The following ADCY7 variants were observed in gnomAD, a reference collection of about 807,000 sequenced individuals.
The protein encoded by ADCY7 is adenylate cyclase type 7.
ADCY7 carries 72 observed loss-of-function variants against 120.6 expected under a neutral mutation model. That is an observed-to-expected ratio of 0.60 (90% CI 0.49 to 0.73). ADCY7 has a LOEUF of 0.73. Ranked by LOEUF, ADCY7 falls within the 30% of genes least tolerant of loss-of-function variation. The probability of loss-of-function intolerance (pLI) is 0.00; values close to 1 mark genes in which losing one functional copy is unlikely to be tolerated. For missense variants in ADCY7, 1,227 were observed against 1,486.0 expected, an observed-to-expected ratio of 0.83 and a Z score of 2.87; for synonymous variants, 661 against 628.0, an observed-to-expected ratio of 1.05 and a Z score of -0.78.
intron 11 of ADCY7, 91 bp downstream of exon 11, chr16:50,304,642 C>A: frequency 7.6e-7 from 1 of 1,311,122 alleles, no homozygotes; most frequent in Non-Finnish European, 1.1e-6. Flanking sequence ...CCCTCTCAGC[C>A]TCACTGTCCC....
At position 50,305,557 on chromosome 16, in the gene ADCY7, G is replaced by C; in HGVS notation, c.1650G>C (p.Leu550=). 1.2e-6 allele frequency: 2 copies of C among 1,606,684 alleles called. No individual in the cohort carries two copies. Among genetic ancestry groups the C allele is most frequent in the Non-Finnish European group, 8.5e-7 (1 of 1,176,006 alleles). The change falls in exon 13 of 26, where the codon CTG becomes CTC. Residue 550 remains leucine (L), a synonymous_variant. Coordinates refer to ENST00000673801, the MANE Select transcript of ADCY7 (RefSeq NM_001114.5). ...SEDDSYDDEM[L]SAIEGLSSTR... is the part of the protein sequence containing the mutation. ...ATGACTCGTACGATGACGAGATGCT[G>C]TCAGCCATTGAGGGGCTCAGCTCCA...
intron 10 of ADCY7, 87 bp downstream of exon 10, chr16:50,301,301 C>A: frequency 6.8e-7 from 1 of 1,466,600 alleles, no homozygotes; most frequent in Non-Finnish European, 9.1e-7. Flanking sequence ...TGGAGGAAAC[C>A]CCCATGTGGA....
intron 5 of ADCY7, 111 bp from the exon 6 acceptor site, chr16:50,293,242 TG>T: frequency 3.2e-6 from 4 of 1,257,112 alleles, no homozygotes; most frequent in Non-Finnish European, 4.5e-6. Context: ...GCAGGGAGGA[TG>T]GGGGCCAAGG....
chr16:50,263,810 C>T (rs2033121134), upstream of ADCY7, among the ~76,000 whole-genome samples: 1 of 151,980 alleles, frequency 6.6e-6, no homozygotes, highest in Non-Finnish European at 1.5e-5. Context: ...CGATATCTCC[C>T]CCAGCGGCTC....
At chr16:50,281,957 G>T (rs1199358242) in intron 1 of ADCY7, among the ~76,000 whole-genome samples, 1 of 152,232 alleles carries the variant, frequency 6.6e-6, no homozygotes, top group African/African-American at 2.4e-5. Flanking sequence ...GGCAGGACCG[G>T]GGGCGCGAGA....
chr16:50,288,801 T>A (rs1463761789), intron 2 of ADCY7, among the ~76,000 whole-genome samples: 2 of 152,108 alleles, frequency 1.3e-5, no homozygotes, highest in Non-Finnish European at 2.9e-5. Flanking sequence ...TTACAGCACA[T>A]TTAGACTGGT....
At chr16:50,253,097 C>A (rs1355145077) in intron 1 of ADCY7, among the ~76,000 whole-genome samples, 1 of 152,168 alleles carries the variant, frequency 6.6e-6, no homozygotes, top group Non-Finnish European at 1.5e-5. Context: ...ACAGGAGGTG[C>A]CCTGCACGAT....
chr16:50,260,696 C>G (rs2150799569), intron 1 of ADCY7, among the ~76,000 whole-genome samples: 1 of 152,326 alleles, frequency 6.6e-6, no homozygotes, highest in Middle Eastern at 3.4e-3. Context: ...GCTGGAGGGT[C>G]TGCCTCCAAG....
chr16:50,249,606 G>A (rs2032693631), intron 1 of ADCY7, among the ~76,000 whole-genome samples: 1 of 152,224 alleles, frequency 6.6e-6, no homozygotes, highest in African/African-American at 2.4e-5. Flanking sequence ...GGACATTTGG[G>A]CCTCGACTAT....
At chr16:50,284,843 C>T (rs16948364) in intron 1 of ADCY7, among the ~76,000 whole-genome samples, 2,169 of 152,326 alleles carry the variant, frequency 0.014, 62 homozygotes, top group African/African-American at 0.049. Flanking sequence ...ATCTGTGAGA[C>T]GGTGGTGCCA....
intron 17 of ADCY7, chr16:50,309,078 C>T (rs1212625300): frequency 5.3e-6 from 2 of 379,188 alleles, no homozygotes; most frequent in African/African-American, 4.2e-5. Context: ...TTCTGAGACT[C>T]AGTTTCCCCT....
chr16:50,266,896 C>A (rs1309077676), intron 1 of ADCY7, among the ~76,000 whole-genome samples: 2 of 152,158 alleles, frequency 1.3e-5, no homozygotes, highest in South Asian at 4.1e-4. Flanking sequence ...GGCGACTTGT[C>A]ACTGGCTTTT....
At chr16:50,284,266 C>T (rs1457743774) in intron 1 of ADCY7, among the ~76,000 whole-genome samples, 1 of 152,200 alleles carries the variant, frequency 6.6e-6, no homozygotes, top group East Asian at 1.9e-4. Context: ...TGGCCAAGGT[C>T]CCTGGATGGG....
intron 1 of ADCY7, among the ~76,000 whole-genome samples, chr16:50,278,818 G>T (rs1314436113): frequency 6.6e-6 from 1 of 150,848 alleles, no homozygotes; most frequent in Non-Finnish European, 1.5e-5. Context: ...CAGGACAGTG[G>T]TTACTCTGGG....
At chr16:50,284,256 T>G (rs1470951025) in intron 1 of ADCY7, among the ~76,000 whole-genome samples, 1 of 152,214 alleles carries the variant, frequency 6.6e-6, no homozygotes, top group Non-Finnish European at 1.5e-5. Flanking sequence ...TTCCAGGAGC[T>G]GGCCAAGGTC....
At chr16:50,280,867 A>C (rs2034213835) in intron 1 of ADCY7, among the ~76,000 whole-genome samples, 1 of 152,170 alleles carries the variant, frequency 6.6e-6, no homozygotes, top group Non-Finnish European at 1.5e-5. Flanking sequence ...GTCACAGAGC[A>C]GGTTGGTGGC....
At chr16:50,268,000 G>C (rs778058410) in intron 1 of ADCY7, among the ~76,000 whole-genome samples, 31 of 152,154 alleles carry the variant, frequency 2.0e-4, no homozygotes, top group Non-Finnish European at 3.4e-4. Flanking sequence ...GGGGAGGGGA[G>C]GCTCTCAGAT....
chr16:50,278,009 G>A (rs2034009945), intron 1 of ADCY7, among the ~76,000 whole-genome samples: 1 of 151,488 alleles, frequency 6.6e-6, no homozygotes, highest in South Asian at 2.1e-4. Flanking sequence ...TACGAGTGTG[G>A]TTAGCTTCCT....
Position 50,299,983 on chromosome 16 carries a change from G to C in ADCY7, c.1077-732G>C, listed in dbSNP as rs1036323916. The stretch of plus-strand genomic sequence containing the variant: ...AGGGCCCCTGCTTCCCAGGGATTGG[G>C]GGGGCATAGAAGGTGCCCATGGTCT... On this transcript the variant is annotated intron_variant, in intron 8 of 25. Transcript: ENST00000673801. Among the ~76,000 whole-genome samples, 6 of 152,214 alleles carry C rather than the reference G, an allele frequency of 3.9e-5. No individual in the cohort carries two copies. The East Asian group carries it at 7.7e-4, about 20-fold the overall frequency.
Sources: gnomAD v4.1 joint callset for allele counts (sites outside exome capture counted in the v4.1 genomes callset) on GRCh38, gnomAD v4.1.1 for gene constraint, MANE v1.5 for transcripts, NCBI Gene and HGNC (gene_info 2026-07-23, HGNC 2026-07-21) for gene names.